Variants in FHIT observed in about 807,000 individuals in gnomAD.
FHIT encodes the protein fragile histidine triad diadenosine triphosphatase.
A neutral mutation model predicts 17.9 loss-of-function variants in FHIT; 19 were observed. The observed-to-expected ratio is 1.06, with a 90% confidence interval of 0.74 to 1.56. The LOEUF (loss-of-function observed/expected upper bound fraction) is 1.56. Among genes scored for constraint, FHIT ranks in the 40% most tolerant of loss-of-function variants. The pLI, the probability that FHIT is intolerant of heterozygous loss-of-function variation, is 0.00. For synonymous variants in FHIT, 81 were observed against 69.7 expected, an observed-to-expected ratio of 1.16 and a Z score of -0.81; for missense variants, 248 against 189.2, an observed-to-expected ratio of 1.31 and a Z score of -1.82.
chr3:60,300,304 C>G (rs1016226286), intron 5 of FHIT, among the ~76,000 whole-genome samples: 1 of 151,872 alleles, frequency 6.6e-6, no homozygotes, highest in Non-Finnish European at 1.5e-5. Context: ...ACAACAGATC[C>G]TATCAAAGAA....
At chr3:60,523,701 G>T in intron 5 of FHIT, among the ~76,000 whole-genome samples, 1 of 152,268 alleles carries the variant, frequency 6.6e-6, no homozygotes, top group African/African-American at 2.4e-5. Flanking sequence ...AAACCCTTCT[G>T]TTAGATTTCT....
intron 3 of FHIT, among the ~76,000 whole-genome samples, chr3:61,004,004 A>T (rs1238990895): frequency 6.6e-6 from 1 of 152,200 alleles, no homozygotes; most frequent in East Asian, 1.9e-4. Context: ...GGGCAGACAG[A>T]TTATTAAATA....
chr3:60,132,130 T>C (rs1033791566), intron 5 of FHIT, among the ~76,000 whole-genome samples: 10 of 152,186 alleles, frequency 6.6e-5, no homozygotes, highest in Admixed American at 2.0e-4. Context: ...CCAGAGAGCT[T>C]TCCATGTCCC....
chr3:59,836,083 C>T (rs1701328775), intron 8 of FHIT, among the ~76,000 whole-genome samples: 1 of 151,972 alleles, frequency 6.6e-6, no homozygotes, highest in Non-Finnish European at 1.5e-5. Context: ...GCAGCATGCC[C>T]AAGATGGAGT....
intron 4 of FHIT, among the ~76,000 whole-genome samples, chr3:60,642,565 A>G (rs1392423938): frequency 2.0e-5 from 3 of 152,206 alleles, no homozygotes; most frequent in South Asian, 4.1e-4. Context: ...TTTCTTCTAT[A>G]TTAGAAATTT....
At chr3:60,538,217 G>C (rs1005754272) in intron 4 of FHIT, among the ~76,000 whole-genome samples, 1 of 152,062 alleles carries the variant, frequency 6.6e-6, no homozygotes, top group African/African-American at 2.4e-5. Flanking sequence ...AAATACCTAG[G>C]AATCTAACTT....
chr3:60,374,051 T>G (rs1006915158), intron 5 of FHIT, among the ~76,000 whole-genome samples: 2 of 152,186 alleles, frequency 1.3e-5, no homozygotes, highest in Non-Finnish European at 2.9e-5. Context: ...CTCTTGAAAT[T>G]TACATGACAC....
chr3:60,480,564 G>T (rs1361996383), intron 5 of FHIT, among the ~76,000 whole-genome samples: 1 of 152,208 alleles, frequency 6.6e-6, no homozygotes, highest in Non-Finnish European at 1.5e-5. Flanking sequence ...GGGATATACA[G>T]GCATTGGGTA....
At chr3:60,477,250 C>T (rs976309274) in intron 5 of FHIT, among the ~76,000 whole-genome samples, 1 of 151,626 alleles carries the variant, frequency 6.6e-6, no homozygotes, top group Non-Finnish European at 1.5e-5. Context: ...TGGTCAGAAT[C>T]TTTTTATACA....
intron 4 of FHIT, among the ~76,000 whole-genome samples, chr3:60,648,464 G>A (rs960266263): frequency 6.6e-6 from 1 of 152,068 alleles, no homozygotes; most frequent in South Asian, 2.1e-4. Context: ...GTCTAGTGTA[G>A]CAGGTGGGCA....
chr3:61,188,666 T>C (rs369872324), intron 2 of FHIT, among the ~76,000 whole-genome samples: 1 of 151,982 alleles, frequency 6.6e-6, no homozygotes, highest in South Asian at 2.1e-4. Flanking sequence ...TGATGAACAT[T>C]GATGCAAAAA....
At chr3:60,515,094 C>A (rs945438462) in intron 5 of FHIT, among the ~76,000 whole-genome samples, 1 of 151,980 alleles carries the variant, frequency 6.6e-6, no homozygotes, top group African/African-American at 2.4e-5. Flanking sequence ...AACAGGCAGG[C>A]GCGGAGTGGT....
intron 5 of FHIT, among the ~76,000 whole-genome samples, chr3:60,150,689 G>A (rs949192947): frequency 3.9e-5 from 6 of 152,118 alleles, no homozygotes; most frequent in Non-Finnish European, 7.4e-5. Context: ...AGGCTGAGGC[G>A]GGCAGACCGC....
intron 3 of FHIT, among the ~76,000 whole-genome samples, chr3:60,866,766 C>G (rs17064083): frequency 0.013 from 2,025 of 152,282 alleles, 44 homozygotes; most frequent in African/African-American, 0.047. Context: ...TTAGTGCTCT[C>G]TCTCACAATT....
At chr3:60,537,097 G>GA (rs2036012018) in intron 4 of FHIT, 118 bp from the exon 5 acceptor site, 4 of 791,870 alleles carry the variant, frequency 5.1e-6, no homozygotes, top group Non-Finnish European at 7.3e-6. Context: ...GGATGCCATT[G>GA]AAATTGTTCC....
intron 4 of FHIT, among the ~76,000 whole-genome samples, chr3:60,552,153 A>G (rs1237896322): frequency 1.3e-5 from 2 of 152,232 alleles, no homozygotes; most frequent in African/African-American, 2.4e-5. Context: ...ACATTTTACC[A>G]TGTATTCATC....
intron 5 of FHIT, among the ~76,000 whole-genome samples, chr3:60,416,896 C>A (rs77025607): frequency 6.6e-6 from 1 of 152,124 alleles, no homozygotes; most frequent in African/African-American, 2.4e-5. Flanking sequence ...ACCATCCTGG[C>A]TAACATGGTA....
chr3:61,224,458 C>A (rs2039916593), intron 1 of FHIT, among the ~76,000 whole-genome samples: 1 of 152,066 alleles, frequency 6.6e-6, no homozygotes, highest in Non-Finnish European at 1.5e-5. Flanking sequence ...TTCTTATCGC[C>A]CAGGCTGGAA....
At chr3:60,673,358 C>T (rs2040552669) in intron 4 of FHIT, among the ~76,000 whole-genome samples, 1 of 152,128 alleles carries the variant, frequency 6.6e-6, no homozygotes, top group African/African-American at 2.4e-5. Context: ...AGATCATGTC[C>T]TTTGCAGGGG....
Sources: gnomAD v4.1 joint callset for allele counts (sites outside exome capture counted in the v4.1 genomes callset) on GRCh38, gnomAD v4.1.1 for gene constraint, MANE v1.5 for transcripts, NCBI Gene and HGNC (gene_info 2026-07-23, HGNC 2026-07-21) for gene names.